The following TRMT11 variants were observed in gnomAD, a reference collection of about 807,000 sequenced individuals.
TRMT11 encodes tRNA (guanine(10)-N(2))-methyltransferase TRMT11.
A neutral mutation model predicts 62.8 loss-of-function variants in TRMT11; 53 were observed. The ratio of observed to expected loss-of-function variants is 0.84; its 90% CI spans 0.68 to 1.06. The LOEUF (loss-of-function observed/expected upper bound fraction) is 1.06, where lower values mean the gene tolerates loss of function less well. Ranked by LOEUF, TRMT11 falls within the 50% of genes least tolerant of loss-of-function variation. The probability of loss-of-function intolerance (pLI) is 0.00; values close to 1 mark genes in which losing one functional copy is unlikely to be tolerated. For missense variants in TRMT11, 556 were observed against 553.4 expected (o/e 1.00, Z -0.05); for synonymous variants, 188 against 190.3 (o/e 0.99, Z 0.10).
At chr6:126,264,663 T>A in the TRMT11 span, among the ~76,000 whole-genome samples, 8 of 152,172 alleles carry the variant, frequency 5.3e-5, no homozygotes, top group African/African-American at 1.9e-4. Context: ...CAGTTGGAAG[T>A]CCTGAAGAGA....
At chr6:126,134,973 C>A (rs1057329432) in intron 21 of TRMT11, among the ~76,000 whole-genome samples, 1 of 151,560 alleles carries the variant, frequency 6.6e-6, no homozygotes, top group African/African-American at 2.4e-5. Flanking sequence ...CACACCTGAA[C>A]CTATGAGATA....
At chr6:126,225,631 A>G in the TRMT11 span, among the ~76,000 whole-genome samples, 1 of 150,558 alleles carries the variant, frequency 6.6e-6, no homozygotes, top group East Asian at 2.0e-4. Flanking sequence ...TGATCTTATT[A>G]AAGGTTTTTC....
chr6:126,085,387 C>A (rs975134603), intron 17 of TRMT11, among the ~76,000 whole-genome samples: 11 of 152,090 alleles, frequency 7.2e-5, no homozygotes, highest in African/African-American at 2.7e-4. Flanking sequence ...AGGGAATGAA[C>A]CTATTCTAAT....
At chr6:126,224,171 A>G in the TRMT11 span, among the ~76,000 whole-genome samples, 1 of 152,162 alleles carries the variant, frequency 6.6e-6, no homozygotes, top group Non-Finnish European at 1.5e-5. Context: ...CTGGTTAAGA[A>G]CCATTGCTGG....
chr6:126,145,494 A>G (rs557068115), intron 21 of TRMT11, among the ~76,000 whole-genome samples: 39 of 152,340 alleles, frequency 2.6e-4, no homozygotes, highest in African/African-American at 8.9e-4. Context: ...ATTTAGCGCC[A>G]GGCACCCAGT....
chr6:126,094,699 T>C (rs1295892932), intron 17 of TRMT11, among the ~76,000 whole-genome samples: 2 of 152,192 alleles, frequency 1.3e-5, no homozygotes, highest in African/African-American at 2.4e-5. Context: ...TGGTTCCTTT[T>C]TGTAGCTCTT....
At chr6:126,155,531 A>T (rs1389154033) in intron 21 of TRMT11, among the ~76,000 whole-genome samples, 5 of 152,142 alleles carry the variant, frequency 3.3e-5, no homozygotes, top group African/African-American at 4.8e-5. Flanking sequence ...CATCAAGTCC[A>T]AAGTCCTAAG....
chr6:126,134,717 T>C (rs547530276), intron 21 of TRMT11, among the ~76,000 whole-genome samples: 39 of 152,010 alleles, frequency 2.6e-4, no homozygotes, highest in African/African-American at 8.9e-4. Context: ...CATGAAACAT[T>C]CTTCAGGACA....
the TRMT11 span, among the ~76,000 whole-genome samples, chr6:126,240,207 C>T: frequency 6.6e-6 from 1 of 152,202 alleles, no homozygotes; most frequent in Non-Finnish European, 1.5e-5. Context: ...CTTCTCTCAA[C>T]TCGTCAAAGT....
the TRMT11 span, among the ~76,000 whole-genome samples, chr6:126,229,398 C>G: frequency 1.3e-5 from 2 of 152,166 alleles, no homozygotes; most frequent in African/African-American, 4.8e-5. Context: ...GAACATCTAA[C>G]TTTAACTCCT....
chr6:126,207,411 G>A (rs890910953), downstream of TRMT11, among the ~76,000 whole-genome samples: 6 of 152,236 alleles, frequency 3.9e-5, no homozygotes, highest in East Asian at 1.2e-3. Flanking sequence ...GGTGCAGAGA[G>A]AAGAGCAGGC....
chr6:126,218,875 A>G, the TRMT11 span, among the ~76,000 whole-genome samples: 1 of 152,140 alleles, frequency 6.6e-6, no homozygotes, highest in African/African-American at 2.4e-5. Context: ...GTAGAACTCA[A>G]GTTCTGACTG....
At chr6:126,062,994 A>G (rs1776581276) in intron 17 of TRMT11, among the ~76,000 whole-genome samples, 1 of 152,244 alleles carries the variant, frequency 6.6e-6, no homozygotes, top group Non-Finnish European at 1.5e-5. Context: ...GCCATTAAAC[A>G]ATATCATAAA....
At chr6:126,005,409 C>T (rs1390009369) in intron 7 of TRMT11, among the ~76,000 whole-genome samples, 1 of 151,952 alleles carries the variant, frequency 6.6e-6, no homozygotes, top group Middle Eastern at 3.2e-3. Context: ...CTGGGTTTCA[C>T]GTCTATCATT....
intron 16 of TRMT11, among the ~76,000 whole-genome samples, chr6:126,045,912 T>C (rs1776043912): frequency 6.6e-6 from 1 of 152,244 alleles, no homozygotes; most frequent in African/African-American, 2.4e-5. Context: ...AGGATTGTTT[T>C]TTTTCCAGTG....
intron 12 of TRMT11, among the ~76,000 whole-genome samples, chr6:126,034,148 A>G (rs1774724097): frequency 6.6e-6 from 1 of 152,090 alleles, no homozygotes; most frequent in South Asian, 2.1e-4. Context: ...GAGAATCACA[A>G]TGGGAAAAAC....
At chr6:126,033,068 T>A (rs983590201) in intron 12 of TRMT11, among the ~76,000 whole-genome samples, 4 of 152,148 alleles carry the variant, frequency 2.6e-5, no homozygotes, top group Non-Finnish European at 5.9e-5. Flanking sequence ...TGACGTATTG[T>A]GGAAAATTAT....
At chr6:126,268,158 C>G in the TRMT11 span, among the ~76,000 whole-genome samples, 15 of 152,286 alleles carry the variant, frequency 9.8e-5, no homozygotes, top group African/African-American at 3.6e-4. Flanking sequence ...CAGCACGTCC[C>G]TTCAACCACA....
At chr6:126,250,418 T>A in the TRMT11 span, among the ~76,000 whole-genome samples, 36 of 152,306 alleles carry the variant, frequency 2.4e-4, no homozygotes, top group African/African-American at 8.2e-4. Flanking sequence ...ATTTAAAGAT[T>A]ATGGTTACCT....
Sources: gnomAD v4.1 joint callset for allele counts (sites outside exome capture counted in the v4.1 genomes callset) on GRCh38, gnomAD v4.1.1 for gene constraint, MANE v1.5 for transcripts, NCBI Gene and HGNC (gene_info 2026-07-23, HGNC 2026-07-21) for gene names.